Variants in MBOAT2 observed in about 807,000 individuals in gnomAD.
The protein encoded by MBOAT2 is membrane-bound glycerophospholipid O-acyltransferase 2.
MBOAT2 carries 28 observed loss-of-function variants against 63.4 expected under a neutral mutation model. The observed-to-expected ratio is 0.44, with a 90% CI of 0.33 to 0.61. The LOEUF (loss-of-function observed/expected upper bound fraction) is 0.61, where lower values mean the gene tolerates loss of function less well. MBOAT2 is among the 20% of genes least tolerant of loss of function. MBOAT2 has a pLI of 0.03. For synonymous variants in MBOAT2, 211 were observed against 215.6 expected (o/e 0.98, Z 0.19); for missense variants, 470 against 605.8 (o/e 0.78, Z 2.35).
rs1017948924 is a variant in MBOAT2, at chr2:8,926,104, GTTCT to G, written c.299+17079_299+17082del. Among the ~76,000 whole-genome samples the G allele has an allele frequency of 5.3e-5, 8 of 152,050 alleles. No individual in the cohort carries two copies. The East Asian group carries it at 9.7e-4, about 18-fold the overall frequency. The stretch of plus-strand genomic sequence containing the variant: ...TGGGTCTTAGCAACAGGTTTCTTTT[GTTCT>G]TTGTTTGTTTGTTTGTTTTGTTTTG... On this transcript the variant is annotated intron_variant, in intron 3 of 12. Transcript: ENST00000305997.
chr2:8,878,538 G>C (rs1263585805), intron 6 of MBOAT2, among the ~76,000 whole-genome samples: 1 of 152,164 alleles, frequency 6.6e-6, no homozygotes, highest in Non-Finnish European at 1.5e-5. Flanking sequence ...TAAAGAGCTA[G>C]GTCTTGTTAT....
chr2:8,937,001 T>C (rs190451295), intron 3 of MBOAT2, among the ~76,000 whole-genome samples: 1 of 152,268 alleles, frequency 6.6e-6, no homozygotes, highest in African/African-American at 2.4e-5. Context: ...CTGAAACACA[T>C]TCCTCTTCCC....
intron 1 of MBOAT2, among the ~76,000 whole-genome samples, chr2:8,998,466 A>G (rs1672460195): frequency 6.6e-6 from 1 of 152,166 alleles, no homozygotes; most frequent in Admixed American, 6.5e-5. Context: ...AATACTGAGA[A>G]CTTCACCTGT....
chr2:8,996,845 C>T (rs933094585), intron 1 of MBOAT2, among the ~76,000 whole-genome samples: 5 of 152,170 alleles, frequency 3.3e-5, no homozygotes, highest in Non-Finnish European at 5.9e-5. Context: ...CTGAATGATA[C>T]GTATAACATT....
At chr2:8,946,567 C>T (rs1668426340) in intron 2 of MBOAT2, among the ~76,000 whole-genome samples, 1 of 152,188 alleles carries the variant, frequency 6.6e-6, no homozygotes, top group African/African-American at 2.4e-5. Context: ...TCGTGCCAGC[C>T]TCTTGGCACC....
intron 2 of MBOAT2, among the ~76,000 whole-genome samples, chr2:8,953,580 T>C (rs926006841): frequency 9.2e-5 from 14 of 152,238 alleles, no homozygotes; most frequent in African/African-American, 2.9e-4. Context: ...GCTAATAATT[T>C]GTACATTTGG....
intron 3 of MBOAT2, among the ~76,000 whole-genome samples, chr2:8,915,423 C>T (rs1666103983): frequency 1.3e-5 from 2 of 152,110 alleles, no homozygotes; most frequent in Admixed American, 1.3e-4. Flanking sequence ...AGGTAATCAG[C>T]TGAGAGTCAG....
chr2:8,859,708 A>G (rs1469637004), intron 12 of MBOAT2, among the ~76,000 whole-genome samples: 1 of 152,242 alleles, frequency 6.6e-6, no homozygotes, highest in African/African-American at 2.4e-5. Flanking sequence ...AAAAGAATAA[A>G]GTTTTTGATC....
At chr2:8,950,228 T>TA (rs1450456217) in intron 2 of MBOAT2, among the ~76,000 whole-genome samples, 1 of 152,208 alleles carries the variant, frequency 6.6e-6, no homozygotes, top group Non-Finnish European at 1.5e-5. Flanking sequence ...GAGGAGTCTT[T>TA]AGGGTTTTCT....
intron 2 of MBOAT2, among the ~76,000 whole-genome samples, chr2:8,948,637 T>C (rs1041180081): frequency 1.3e-5 from 2 of 152,220 alleles, no homozygotes; most frequent in Admixed American, 1.3e-4. Context: ...GATAATGGCC[T>C]CCAGCTCCAT....
chr2:8,920,543 A>G (rs1666498111), intron 3 of MBOAT2, among the ~76,000 whole-genome samples: 1 of 150,350 alleles, frequency 6.7e-6, no homozygotes, highest in African/African-American at 2.5e-5. Flanking sequence ...TTTTAGGAAA[A>G]GCTTATCAAT....
chr2:8,859,627 T>C (rs1443646421), intron 12 of MBOAT2, among the ~76,000 whole-genome samples: 3 of 152,228 alleles, frequency 2.0e-5, no homozygotes, highest in African/African-American at 7.2e-5. Flanking sequence ...ATTATTGTCA[T>C]ATTTGATTCA....
intron 3 of MBOAT2, among the ~76,000 whole-genome samples, chr2:8,914,182 G>C (rs1232905836): frequency 6.6e-6 from 1 of 151,942 alleles, no homozygotes; most frequent in East Asian, 1.9e-4. Context: ...GAGTGGGAGG[G>C]GTGTGAGGGA....
intron 1 of MBOAT2, among the ~76,000 whole-genome samples, chr2:8,961,679 T>C (rs780458729): frequency 4.5e-4 from 68 of 152,250 alleles, no homozygotes; most frequent in Non-Finnish European, 2.2e-4. Flanking sequence ...GTTTTCCTTT[T>C]GGTAAAAACC....
intron 3 of MBOAT2, among the ~76,000 whole-genome samples, chr2:8,928,681 T>A (rs1047272318): frequency 4.6e-5 from 7 of 151,904 alleles, no homozygotes; most frequent in Middle Eastern, 3.4e-3. Flanking sequence ...AAAAAAAAAA[T>A]TAGTGAGAAG....
chr2:8,874,099 T>C (rs1281032735), intron 7 of MBOAT2, among the ~76,000 whole-genome samples: 7 of 152,324 alleles, frequency 4.6e-5, no homozygotes, highest in South Asian at 4.1e-4. Context: ...AGTAACCAAA[T>C]AGTATTCAAA....
intron 3 of MBOAT2, among the ~76,000 whole-genome samples, chr2:8,942,026 G>T (rs1452124567): frequency 6.6e-6 from 1 of 152,080 alleles, no homozygotes; most frequent in African/African-American, 2.4e-5. Flanking sequence ...AAAAAATAGG[G>T]TCATAATCCT....
chr2:8,973,499 C>T (rs1327830194), intron 1 of MBOAT2, among the ~76,000 whole-genome samples: 1 of 150,550 alleles, frequency 6.6e-6, no homozygotes, highest in Non-Finnish European at 1.5e-5. Context: ...GCACATGTAC[C>T]CTAGAACTTA....
intron 9 of MBOAT2, among the ~76,000 whole-genome samples, chr2:8,865,671 G>A (rs1222663439): frequency 1.3e-5 from 2 of 152,144 alleles, no homozygotes; most frequent in Non-Finnish European, 2.9e-5. Context: ...TTCCCTTTAC[G>A]GGGAATGAAC....
Sources: gnomAD v4.1 joint callset for allele counts (sites outside exome capture counted in the v4.1 genomes callset) on GRCh38, gnomAD v4.1.1 for gene constraint, MANE v1.5 for transcripts, NCBI Gene and HGNC (gene_info 2026-07-23, HGNC 2026-07-21) for gene names.